KIAA0825: variants seen among roughly 807,000 people sequenced by gnomAD.
KIAA0825 encodes uncharacterized protein KIAA0825.
Under a neutral mutation model 147.6 loss-of-function variants are expected in KIAA0825, and 119 were observed. That is an observed-to-expected ratio of 0.81 (90% CI 0.69 to 0.94). KIAA0825 has a LOEUF of 0.94. Among genes scored for constraint, KIAA0825 ranks in the 40% least tolerant of loss-of-function variants. The pLI, the probability that KIAA0825 is intolerant of heterozygous loss-of-function variation, is 0.00. For synonymous variants in KIAA0825, 470 were observed against 518.1 expected, an observed-to-expected ratio of 0.91 and a Z score of 1.26; for missense variants, 1,381 against 1,472.7, an observed-to-expected ratio of 0.94 and a Z score of 1.02.
intron 13 of KIAA0825, among the ~76,000 whole-genome samples, chr5:94,447,365 T>C (rs1054259279): frequency 1.3e-5 from 2 of 151,978 alleles, no homozygotes; most frequent in Non-Finnish European, 2.9e-5. Context: ...TTAAAGTATA[T>C]GAACCTGCAA....
chr5:94,569,630 T>G, intron 2 of KIAA0825: 1 of 363,848 alleles, frequency 2.7e-6, no homozygotes, highest in Non-Finnish European at 5.2e-6. Flanking sequence ...CTCCACATGA[T>G]GAAACCTCGG....
rs924634673 is a variant in KIAA0825 at position 94,349,814 on chromosome 5, C to T, written c.3710+34554G>A. ...TAAGAGGAAAGTTCGTAGCCCTAAA[C>T]GCCTACATCAAAAAGACTGAAAGAG... On this transcript the variant is annotated intron_variant, in intron 20 of 20. Transcript: ENST00000682413. Among the ~76,000 whole-genome samples, 9 of 152,062 alleles carry T rather than the reference C, an allele frequency of 5.9e-5. No individual in the cohort carries two copies. In the South Asian group the frequency reaches 8.3e-4, roughly 14 times the overall value.
At chr5:94,587,234 G>T (rs921838600) in intron 1 of KIAA0825, among the ~76,000 whole-genome samples, 8 of 152,160 alleles carry the variant, frequency 5.3e-5, no homozygotes, top group African/African-American at 1.9e-4. Context: ...ATTCAATTTG[G>T]AAAAGAGGAA....
At chr5:94,317,178 C>A (rs1311474244) in intron 20 of KIAA0825, among the ~76,000 whole-genome samples, 1 of 151,752 alleles carries the variant, frequency 6.6e-6, no homozygotes, top group African/African-American at 2.4e-5. Flanking sequence ...CATCTAAGTG[C>A]CTAGAAGTCA....
chr5:94,363,499 G>A (rs1280547891), intron 20 of KIAA0825, among the ~76,000 whole-genome samples: 3 of 152,188 alleles, frequency 2.0e-5, no homozygotes, highest in African/African-American at 7.2e-5. Context: ...AGGTGAGGCA[G>A]AGCAAGAGGT....
At chr5:94,576,641 T>C (rs1781106498) in intron 2 of KIAA0825, among the ~76,000 whole-genome samples, 1 of 152,196 alleles carries the variant, frequency 6.6e-6, no homozygotes, top group Admixed American at 6.5e-5. Context: ...CTTTTCTTTA[T>C]AAATTGTCCA....
chr5:94,374,022 A>C (rs1409548449), intron 20 of KIAA0825, among the ~76,000 whole-genome samples: 1 of 152,130 alleles, frequency 6.6e-6, no homozygotes, highest in Non-Finnish European at 1.5e-5. Flanking sequence ...ATATGCTAAA[A>C]CTTTTTGCAA....
chr5:94,352,790 T>C (rs1783827762), intron 20 of KIAA0825, among the ~76,000 whole-genome samples: 1 of 152,198 alleles, frequency 6.6e-6, no homozygotes, highest in African/African-American at 2.4e-5. Context: ...CTGGATGAGA[T>C]TGGAGACTAT....
chr5:94,521,939 T>C (rs542367045), intron 4 of KIAA0825, among the ~76,000 whole-genome samples: 1 of 151,906 alleles, frequency 6.6e-6, no homozygotes, highest in South Asian at 2.1e-4. Context: ...TTCACAATTA[T>C]GAACAATTCC....
At chr5:94,347,409 TG>T (rs1197688356) in intron 20 of KIAA0825, among the ~76,000 whole-genome samples, 1 of 152,184 alleles carries the variant, frequency 6.6e-6, no homozygotes, top group Non-Finnish European at 1.5e-5. Flanking sequence ...TTGCACCCCC[TG>T]CCACTTCCAC....
chr5:94,323,221 T>C (rs1780361885), intron 20 of KIAA0825, among the ~76,000 whole-genome samples: 1 of 152,014 alleles, frequency 6.6e-6, no homozygotes. Flanking sequence ...CATGATGCCA[T>C]CTGGTTCATG....
rs974274741 is a variant in KIAA0825 at position 94,195,019 on chromosome 5, T to C, written c.3711-40895A>G. On this transcript the variant is annotated intron_variant, in intron 20 of 20. Transcript: ENST00000682413. ...ATATTCTCCAGATTAGAGATAACGG[T>C]GCTGAGTTTAAGAGAGATGAGGTAA... Among the ~76,000 whole-genome samples, 3 of 152,290 alleles carry C rather than the reference T, an allele frequency of 2.0e-5. No individual in the cohort carries two copies. In the South Asian group the frequency reaches 6.2e-4, roughly 32 times the overall value.
intron 17 of KIAA0825, among the ~76,000 whole-genome samples, chr5:94,395,818 C>A (rs1232939442): frequency 6.6e-6 from 1 of 152,136 alleles, no homozygotes; most frequent in Non-Finnish European, 1.5e-5. Context: ...AAACTAAATT[C>A]TCCTGGGTTT....
At chr5:94,568,951 C>A in intron 2 of KIAA0825, 1 of 165,980 alleles carries the variant, frequency 6.0e-6, no homozygotes, top group South Asian at 1.8e-4. Flanking sequence ...CCTGTTACCC[C>A]GAGCACTCTC....
chr5:94,613,360 C>A (rs1298113738), intron 1 of KIAA0825, among the ~76,000 whole-genome samples: 2 of 152,060 alleles, frequency 1.3e-5, no homozygotes, highest in African/African-American at 2.4e-5. Flanking sequence ...CCACACCCAG[C>A]TAATTTTTGT....
At chr5:94,339,342 A>C (rs1471619669) in intron 20 of KIAA0825, among the ~76,000 whole-genome samples, 1 of 152,150 alleles carries the variant, frequency 6.6e-6, no homozygotes, top group Non-Finnish European at 1.5e-5. Context: ...AGTTGCTAAA[A>C]ATTGTAGATA....
intron 1 of KIAA0825, among the ~76,000 whole-genome samples, chr5:94,603,115 C>T (rs1585017320): frequency 6.6e-6 from 1 of 152,080 alleles, no homozygotes; most frequent in South Asian, 2.1e-4. Context: ...GTGTGAGCCA[C>T]TGCATCTGGC....
At chr5:94,547,826 C>T (rs1224637472) in intron 2 of KIAA0825, among the ~76,000 whole-genome samples, 1 of 151,018 alleles carries the variant, frequency 6.6e-6, no homozygotes, top group Non-Finnish European at 1.5e-5. Context: ...GACTTTGAAA[C>T]CTTACAAGCC....
At chr5:94,198,285 T>C (rs1583823006) in intron 20 of KIAA0825, among the ~76,000 whole-genome samples, 1 of 152,202 alleles carries the variant, frequency 6.6e-6, no homozygotes, top group African/African-American at 2.4e-5. Flanking sequence ...TTAGAAATGC[T>C]ACTGATTTTT....
Sources: allele counts gnomAD v4.1 joint callset (sites outside exome capture counted in the v4.1 genomes callset), GRCh38; gene constraint gnomAD v4.1.1; transcripts MANE v1.5; gene names NCBI Gene and HGNC (gene_info 2026-07-23, HGNC 2026-07-21).